Variants in WWOX observed in about 807,000 individuals in gnomAD.
WWOX encodes the protein WW domain-containing oxidoreductase.
WWOX carries 69 observed loss-of-function variants against 46.2 expected under a neutral mutation model. The observed-to-expected ratio is 1.49, with a 90% CI of 1.23 to 1.82. The LOEUF is 1.82. WWOX is among the 40% of genes most tolerant of loss of function. The pLI is 0.00. For missense variants in WWOX, 919 were observed against 542.6 expected (o/e 1.69, Z -6.89); for synonymous variants, 359 against 202.6 (o/e 1.77, Z -6.56).
intron 5 of WWOX, among the ~76,000 whole-genome samples, chr16:78,189,734 AACCTC>A (rs1337776059): frequency 1.3e-5 from 2 of 152,072 alleles, no homozygotes; most frequent in Non-Finnish European, 2.9e-5. Context: ...GGCTCACTGC[AACCTC>A]CGCCTCCCAA....
intron 8 of WWOX, among the ~76,000 whole-genome samples, chr16:78,569,148 G>T (rs902163216): frequency 6.6e-6 from 1 of 152,148 alleles, no homozygotes; most frequent in Non-Finnish European, 1.5e-5. Context: ...CTGTTGGGGT[G>T]GGAGGGAAGA....
chr16:78,549,480 A>G (rs2044125888), intron 8 of WWOX, among the ~76,000 whole-genome samples: 1 of 152,138 alleles, frequency 6.6e-6, no homozygotes, highest in East Asian at 1.9e-4. Flanking sequence ...TATGCGGTTC[A>G]GAGAAAGTTG....
At chr16:78,430,288 C>A (rs116976038) in intron 7 of WWOX, among the ~76,000 whole-genome samples, 1 of 152,158 alleles carries the variant, frequency 6.6e-6, no homozygotes, top group African/African-American at 2.4e-5. Context: ...CTGCCCTTGA[C>A]ACATGGGGGT....
intron 4 of WWOX, among the ~76,000 whole-genome samples, chr16:78,127,601 G>A (rs887107080): frequency 1.3e-5 from 2 of 150,366 alleles, no homozygotes; most frequent in African/African-American, 2.5e-5. Flanking sequence ...GGGAAAAAGA[G>A]AAGGAAAACT....
At chr16:78,900,181 G>A (rs1026790387) in intron 8 of WWOX, among the ~76,000 whole-genome samples, 3 of 151,392 alleles carry the variant, frequency 2.0e-5, no homozygotes, top group Non-Finnish European at 4.4e-5. Context: ...TGCCAGAGTA[G>A]GGTGTAAACC....
intron 8 of WWOX, among the ~76,000 whole-genome samples, chr16:78,902,689 C>G (rs1238099534): frequency 1.3e-5 from 2 of 152,212 alleles, no homozygotes; most frequent in African/African-American, 2.4e-5. Context: ...ACCACAGCAG[C>G]TCAGTATTTC....
chr16:79,034,460 A>G (rs966904419), intron 8 of WWOX, among the ~76,000 whole-genome samples: 1 of 152,212 alleles, frequency 6.6e-6, no homozygotes, highest in Non-Finnish European at 1.5e-5. Flanking sequence ...CAATTTTCTT[A>G]AACAGCTGCA....
intron 8 of WWOX, among the ~76,000 whole-genome samples, chr16:78,916,427 C>G (rs972198911): frequency 3.3e-5 from 5 of 152,192 alleles, no homozygotes; most frequent in African/African-American, 1.2e-4. Flanking sequence ...AGATTATTCA[C>G]TGGGTATAAT....
chr16:78,324,410 A>G (rs781341106), intron 5 of WWOX, among the ~76,000 whole-genome samples: 18 of 152,216 alleles, frequency 1.2e-4, no homozygotes, highest in Non-Finnish European at 1.9e-4. Context: ...AAGAGTTCCC[A>G]TATGACCTAG....
chr16:78,826,765 A>G (rs2051669080), intron 8 of WWOX, among the ~76,000 whole-genome samples: 2 of 152,156 alleles, frequency 1.3e-5, no homozygotes, highest in Non-Finnish European at 2.9e-5. Context: ...AACCCACAAT[A>G]AGAGCACAGT....
Position 78,632,270 on chromosome 16 carries a change from T to C in WWOX, c.1056+199518T>C, listed in dbSNP as rs147066912. 5.3e-5 allele frequency among the ~76,000 whole-genome samples: 8 copies of C among 152,290 alleles called. No homozygotes were observed. The East Asian group carries it at 1.2e-3, about 22-fold the overall frequency. The stretch of plus-strand genomic sequence containing the variant: ...CTAGTATTTGCTTCCAGGGATTGTT[T>C]TGGAGGGGAGTGAGGAATAAATGAT... On this transcript the variant is annotated intron_variant, in intron 8 of 8. Coordinates refer to ENST00000566780, the MANE Select transcript of WWOX (RefSeq NM_016373.4).
At chr16:78,162,719 C>A (rs2034837123) in intron 4 of WWOX, among the ~76,000 whole-genome samples, 3 of 152,058 alleles carry the variant, frequency 2.0e-5, no homozygotes. Context: ...TTTTGGAACT[C>A]AGATTACATG....
In WWOX at chr16:78,445,137, T is replaced by C. The variant is rs191566792; in HGVS notation, c.1056+12385T>C. Among the ~76,000 whole-genome samples the C allele has an allele frequency of 3.9e-5, 6 of 152,302 alleles. No individual in the cohort carries two copies. In the East Asian group the frequency reaches 1.2e-3, roughly 29 times the overall value. On this transcript the variant is annotated intron_variant, in intron 8 of 8. Transcript: ENST00000566780. ...TCGTGGGGTGAAGGGAAAGAAATGA[T>C]ACAGGTGTACATCAGGGTATAAGCT...
intron 8 of WWOX, among the ~76,000 whole-genome samples, chr16:79,056,215 CA>C (rs199968406): frequency 0.047 from 6,503 of 139,072 alleles, 179 homozygotes; most frequent in African/African-American, 0.087. Context: ...GTCACTAGAC[CA>C]AAAAAAAAAA....
intron 8 of WWOX, among the ~76,000 whole-genome samples, chr16:78,802,202 G>GTTTTTTTTTTTTTTTTTTTTTTTTTTTT (rs60554747): frequency 1.0e-5 from 1 of 96,766 alleles, no homozygotes; most frequent in Non-Finnish European, 2.0e-5. Flanking sequence ...GTTTGTTTAG[G>GTTTTTTTTTTTTTTTTTTTTTTTTTTTT]TTTTTTTTTT....
intron 8 of WWOX, among the ~76,000 whole-genome samples, chr16:78,870,318 C>T (rs1385537921): frequency 4.6e-5 from 7 of 152,078 alleles, no homozygotes; most frequent in Non-Finnish European, 8.8e-5. Flanking sequence ...TCTTTTCATT[C>T]TAAGAATCAT....
At position 78,578,254 on chromosome 16, in the gene WWOX, T is replaced by TTA. The variant is rs1194130355; in HGVS notation, c.1056+145532_1056+145533dup. Among the ~76,000 whole-genome samples the TTA allele has an allele frequency of 8.9e-3, 280 of 31,630 alleles. 7 individuals are homozygous for TTA. The highest frequency in any genetic ancestry group is 0.032 in the South Asian group (16 of 502). 20.8% of individuals were successfully genotyped at this position (31,630 alleles called of 152,430 possible). A position where few individuals can be genotyped will look rare whatever the true frequency, so the allele number is the denominator to read the frequency against. The stretch of plus-strand genomic sequence containing the variant: ...TACAAATATATGTGCATACCAAATT[T>TTA]TATATATATATATATATATATATAT... On this transcript the variant is annotated intron_variant, in intron 8 of 8. Transcript: ENST00000566780.
intron 6 of WWOX, among the ~76,000 whole-genome samples, chr16:78,413,382 G>A (rs904035942): frequency 6.6e-6 from 1 of 152,188 alleles, no homozygotes; most frequent in African/African-American, 2.4e-5. Context: ...GTCAGCAAAG[G>A]GTGATGGGAT....
chr16:79,193,293 C>T (rs1406389965), intron 8 of WWOX, among the ~76,000 whole-genome samples: 1 of 152,234 alleles, frequency 6.6e-6, no homozygotes. Context: ...ACCTCTGAGG[C>T]TCACTGGAAG....
Sources: allele counts gnomAD v4.1 joint callset (sites outside exome capture counted in the v4.1 genomes callset), GRCh38; gene constraint gnomAD v4.1.1; transcripts MANE v1.5; gene names NCBI Gene and HGNC (gene_info 2026-07-23, HGNC 2026-07-21).